The following PRKACA variants were observed in gnomAD, a reference collection of about 807,000 sequenced individuals.
PRKACA encodes cAMP-dependent protein kinase catalytic subunit alpha.
In PRKACA, 9 loss-of-function variants were observed where a neutral mutation model predicts 45.8. That is an observed-to-expected ratio of 0.20 (90% CI 0.12 to 0.34). PRKACA has a LOEUF of 0.34. Ranked by LOEUF, PRKACA falls within the 10% of genes least tolerant of loss-of-function variation. The pLI is 1.00. For missense variants in PRKACA, 238 were observed against 458.6 expected (o/e 0.52, Z 4.39); for synonymous variants, 160 against 178.6 (o/e 0.90, Z 0.83).
chr19:14,106,636 A>G, intron 3 of PRKACA, 124 bp downstream of exon 3: 2 of 1,362,504 alleles, frequency 1.5e-6, no homozygotes, highest in South Asian at 1.3e-5. Flanking sequence ...CCTGAGCGAC[A>G]GAGCGAGACT....
chr19:14,097,982 A>C lies in PRKACA; in HGVS notation c.420-92T>G, dbSNP rs1599336926. 1.3e-6 allele frequency: 2 copies of C among 1,513,066 alleles called. No individual in the cohort carries two copies. Among genetic ancestry groups the C allele is most frequent in the Non-Finnish European group, 9.0e-7 (1 of 1,109,246 alleles). The allele number at this position is 1,513,066 out of a possible 1,614,324, so 93.7% of individuals were successfully genotyped here. A position where few individuals can be genotyped will look rare whatever the true frequency, so the allele number is the denominator to read the frequency against. ...TGCAGAGCCTACCCCAGAGGAAGACACCTCCAGTCCAGCCGTCAGAAACGC... is the reference window on the plus strand; with the variant it reads ...TGCAGAGCCTACCCCAGAGGAAGACCCCTCCAGTCCAGCCGTCAGAAACGC... On this transcript the variant is annotated intron_variant, in intron 5 of 9. Coordinates refer to ENST00000308677, the MANE Select transcript of PRKACA (RefSeq NM_002730.4). This position sits in a 1 kb window ranked among gnomAD's most constrained non-coding sequence, Gnocchi z 5.4.
chr19:14,106,534 A>T (rs1215896976), intron 3 of PRKACA, among the ~76,000 whole-genome samples: 1 of 152,104 alleles, frequency 6.6e-6, no homozygotes, highest in African/African-American at 2.4e-5. Context: ...GGCGCCTGTA[A>T]TCCCAGCTAC....
chr19:14,114,440 G>T (rs1967065149), intron 1 of PRKACA, among the ~76,000 whole-genome samples: 1 of 152,068 alleles, frequency 6.6e-6, no homozygotes. Flanking sequence ...AAGGTGTTTG[G>T]CCGTCTTAGG....
chr19:14,106,720 GCCTGACAGGCAGGC>G (rs1264411306), intron 3 of PRKACA, 26 bp downstream of exon 3: 15 of 1,613,080 alleles, frequency 9.3e-6, no homozygotes, highest in Non-Finnish European at 1.2e-5. Flanking sequence ...CCAGGCAAAG[GCCTGACAGGCAGGC>G]CCTGAGCGAG....
chr19:14,097,210 G>A lies in PRKACA; in HGVS notation c.765+151C>T. On this transcript the variant is annotated intron_variant, in intron 8 of 9. Coordinates refer to ENST00000308677, the MANE Select transcript of PRKACA (RefSeq NM_002730.4). The surrounding 1 kb of genome is among the most constrained non-coding windows in gnomAD (Gnocchi z 5.4). ...AAGGGGGCTTGAGGTGTTGGCCTCA[G>A]TGTGGCCGGCGCGTCCAGCTTCACC... is the stretch of plus-strand genomic sequence containing the variant. The A allele has an allele frequency of 8.1e-7, 1 of 1,237,756 alleles. No individual in the cohort carries two copies. The highest frequency in any genetic ancestry group is 1.1e-6 in the Non-Finnish European group (1 of 876,586). 76.7% of individuals were successfully genotyped at this position (1,237,756 alleles called of 1,614,324 possible). A position where few individuals can be genotyped will look rare whatever the true frequency, so the allele number is the denominator to read the frequency against.
At chr19:14,117,392 G>T (rs1037063466) in intron 1 of PRKACA, 110 bp downstream of exon 1, 1 of 1,125,842 alleles carries the variant, frequency 8.9e-7, no homozygotes, top group Non-Finnish European at 1.1e-6. Context: ...GGCGCTGGGG[G>T]GTAGGCAGAG....
At chr19:14,099,241 G>A (rs573357702) in intron 5 of PRKACA, among the ~76,000 whole-genome samples, 3 of 152,250 alleles carry the variant, frequency 2.0e-5, no homozygotes, top group East Asian at 1.9e-4. Flanking sequence ...GCATGGAGCC[G>A]AGATCGTGCC....
rs1390607089 is a variant in PRKACA, at chr19:14,093,654, C to T, written c.904G>A (p.Asp302Asn). ...TTCCTCTGGTAGATGGCAATCCAGTCAGTTGTGGCAAACCACTTGTGGTTC... is the reference window on the plus strand; with the variant it reads ...TTCCTCTGGTAGATGGCAATCCAGTTAGTTGTGGCAAACCACTTGTGGTTC... ...IKNHKWFATT[D>N]WIAIYQRKVE... The change falls in exon 9 of 10, where the codon GAC becomes AAC. Residue 302 changes from aspartate (D) to asparagine (N), a missense_variant. Physicochemically the swap from Asp to Asn is conservative, Grantham distance 23 (BLOSUM62 1). This residue lies in a region of PRKACA where 51 missense variants were observed against 68.6 expected (regional missense o/e 0.74). Transcript: ENST00000308677. 1 of 1,613,832 alleles carries T rather than the reference C, an allele frequency of 6.2e-7. No homozygotes were observed. Among genetic ancestry groups the T allele is most frequent in the Non-Finnish European group, 8.5e-7 (1 of 1,179,902 alleles).
chr19:14,093,041 A>ATGGGGG lies in PRKACA; in HGVS notation c.*70_*71insCCCCCA. ...CTGGGGCCCTCTGGCTGTTCAATCC[A>ATGGGGG]ACCCTCCCACCCCCCCGACCAAAAA... is the stretch of plus-strand genomic sequence containing the variant. On this transcript the variant is annotated 3_prime_UTR_variant, in exon 10 of 10. Transcript: ENST00000308677. The ATGGGGG allele has an allele frequency of 6.0e-6, 3 of 500,028 alleles. No individual in the cohort carries two copies. Among genetic ancestry groups the ATGGGGG allele is most frequent in the Non-Finnish European group, 1.1e-5 (3 of 278,312 alleles). The allele number at this position is 500,028 out of a possible 1,614,324, so 31.0% of individuals were successfully genotyped here.
Position 14,097,318 on chromosome 19 carries a change from G to C in PRKACA, c.765+43C>G, listed in dbSNP as rs530647726. The C allele has an allele frequency of 3.7e-6, 6 of 1,613,062 alleles. No individual in the cohort carries two copies. In the African/African-American group the frequency reaches 4.0e-5, roughly 11 times the overall value. On this transcript the variant is annotated intron_variant, in intron 8 of 9. Coordinates refer to ENST00000308677, the MANE Select transcript of PRKACA (RefSeq NM_002730.4). This position sits in a 1 kb window ranked among gnomAD's most constrained non-coding sequence, Gnocchi z 5.4. ...GGAATAGGATGGGTGAGCAGGGAAC[G>C]GTCTGTTTCTTCCAGGGCTGTGTCC...
At chr19:14,098,146 C>G (rs1977320438) in intron 5 of PRKACA, 1 of 432,304 alleles carries the variant, frequency 2.3e-6, no homozygotes, top group East Asian at 3.9e-5. Context: ...ACAGCCCATG[C>G]ATCCACTCAA....
At chr19:14,114,086 G>A in intron 1 of PRKACA, 2 of 1,587,944 alleles carry the variant, frequency 1.3e-6, no homozygotes. Context: ...TGACTTAAGG[G>A]GCAGAGTGTG....
At chr19:14,115,140 T>A in intron 1 of PRKACA, 1 of 984,182 alleles carries the variant, frequency 1.0e-6, no homozygotes. Flanking sequence ...CTTCGGGCGT[T>A]TCTCAACGTG....
intron 4 of PRKACA, chr19:14,101,223 C>G: frequency 3.4e-6 from 1 of 290,608 alleles, no homozygotes; most frequent in East Asian, 7.0e-5. Flanking sequence ...TCATGATAGG[C>G]TGCAGAATTA....
intron 2 of PRKACA, 47 bp from the exon 3 acceptor site, chr19:14,106,935 C>G (rs754305060): frequency 1.7e-5 from 27 of 1,609,222 alleles, no homozygotes; most frequent in South Asian, 2.2e-5. Context: ...CTCCCCGCGG[C>G]CTGCTTGGCT....
Position 14,092,770 on chromosome 19 carries a change from G to T in PRKACA, c.*342C>A, listed in dbSNP as rs1317707947. The stretch of plus-strand genomic sequence containing the variant: ...GCCCCTCTTTCCATACCCTGTCCCT[G>T]GATACACCAGCAAGACCTGGTCTGA... On this transcript the variant is annotated 3_prime_UTR_variant, in exon 10 of 10. Transcript: ENST00000308677. The T allele has an allele frequency of 6.8e-6, 3 of 439,018 alleles. No homozygotes were observed. The highest frequency in any genetic ancestry group is 7.2e-5 in the South Asian group (1 of 13,856). 27.2% of individuals were successfully genotyped at this position (439,018 alleles called of 1,614,324 possible).
intron 1 of PRKACA, chr19:14,114,016 C>T: frequency 8.2e-7 from 1 of 1,219,496 alleles, no homozygotes; most frequent in Non-Finnish European, 1.2e-6. Context: ...CCAGGGCCAG[C>T]CAGGGGTTCA....
intron 8 of PRKACA, 38 bp from the exon 9 acceptor site, chr19:14,093,830 T>G: frequency 6.3e-7 from 1 of 1,578,704 alleles, no homozygotes. Flanking sequence ...GGGAAGCTGG[T>G]CTGGAACTTG....
chr19:14,098,814 GAAA>G (rs78905737), intron 5 of PRKACA, among the ~76,000 whole-genome samples: 17 of 90,676 alleles, frequency 1.9e-4, no homozygotes, highest in African/African-American at 4.0e-4. Flanking sequence ...TATGTTATTG[GAAA>G]AAAAAAAAAA....
Sources: gnomAD v4.1 joint callset for allele counts (sites outside exome capture counted in the v4.1 genomes callset) on GRCh38, gnomAD v4.1.1 for gene constraint, gnomAD v4.1.1 regional missense constraint, Gnocchi (gnomAD v3.1) non-coding constraint, MANE v1.5 for transcripts, NCBI Gene and HGNC (gene_info 2026-07-23, HGNC 2026-07-21) for gene names.